LFNG: variants seen among roughly 807,000 people sequenced by gnomAD.
LFNG encodes beta-1,3-N-acetylglucosaminyltransferase lunatic fringe.
Under a neutral mutation model 32.7 loss-of-function variants are expected in LFNG, and 15 were observed. The observed-to-expected ratio is 0.46, with a 90% CI of 0.31 to 0.71. The LOEUF (loss-of-function observed/expected upper bound fraction) is 0.71. Ranked by LOEUF, LFNG falls within the 30% of genes least tolerant of loss-of-function variation. The pLI, the probability that LFNG is intolerant of heterozygous loss-of-function variation, is 0.06. For synonymous variants in LFNG, 274 were observed against 246.8 expected (o/e 1.11, Z -1.03); for missense variants, 520 against 545.7 (o/e 0.95, Z 0.47).
In LFNG at chr7:2,528,259, C is replaced by A. The variant is rs769360562; in HGVS notation, c.*1047C>A. The stretch of plus-strand genomic sequence containing the variant: ...TCCTCCTGTGTAGCTGCCACCTCCC[C>A]GCTGGGCCCAGCATGGCTCACCTGT... On this transcript the variant is annotated 3_prime_UTR_variant, in exon 8 of 8. Transcript: ENST00000222725. 1.7e-5 allele frequency: 17 copies of A among 986,042 alleles called. No individual in the cohort carries two copies. Among genetic ancestry groups the A allele is most frequent in the Non-Finnish European group, 2.0e-5 (17 of 830,036 alleles). 61.1% of individuals were successfully genotyped at this position (986,042 alleles called of 1,614,324 possible). A position where few individuals can be genotyped will look rare whatever the true frequency, so the allele number is the denominator to read the frequency against.
chr7:2,520,102 C>G lies in LFNG; in HGVS notation c.241C>G (p.Leu81Val). 7.4e-7 allele frequency: 1 copy of G among 1,344,108 alleles called. No individual in the cohort carries two copies. The highest frequency in any genetic ancestry group is 9.6e-7 in the Non-Finnish European group (1 of 1,037,692). 83.3% of individuals were successfully genotyped at this position (1,344,108 alleles called of 1,614,324 possible). A position where few individuals can be genotyped will look rare whatever the true frequency, so the allele number is the denominator to read the frequency against. The change falls in exon 1 of 8, where the codon CTC becomes GTC. Residue 81 changes from leucine to valine, a missense_variant. Physicochemically the swap from Leu to Val is conservative, Grantham distance 32. This residue lies in a region of LFNG where 360 missense variants were observed against 354.7 expected (regional missense o/e 1.01). Coordinates refer to ENST00000222725, the MANE Select transcript of LFNG (RefSeq NM_001040167.2). The surrounding 1 kb of genome is among the most constrained non-coding windows in gnomAD (Gnocchi z 5.0). ...VHSLSEYFSL[L>V]TRARRDAGPP... ...CAGTCTGTCCGAGTACTTCAGCCTG[C>G]TCACCCGCGCGCGCAGAGATGCGGG...
Position 2,527,731 on chromosome 7 carries a change from T to G in LFNG, c.*519T>G. On this transcript the variant is annotated 3_prime_UTR_variant, in exon 8 of 8. Transcript: ENST00000222725. This position sits in a 1 kb window ranked among gnomAD's most constrained non-coding sequence, Gnocchi z 4.4. ...CTGGGGGTGCGTGACCCAATCCCCT[T>G]CCTCCTGGCCTGGACGCTGTGGCTT... The G allele has an allele frequency of 9.6e-7, 1 of 1,040,374 alleles. No homozygotes were observed. Among genetic ancestry groups the G allele is most frequent in the Non-Finnish European group, 1.2e-6 (1 of 861,252 alleles). 64.4% of individuals were successfully genotyped at this position (1,040,374 alleles called of 1,614,324 possible). A position where few individuals can be genotyped will look rare whatever the true frequency, so the allele number is the denominator to read the frequency against.
rs545875243 is a variant in LFNG at position 2,527,341 on chromosome 7, T to TGCGTGTGC, written c.*130_*131insCGTGTGCG. 8.2e-6 allele frequency: 12 copies of TGCGTGTGC among 1,457,110 alleles called. No individual in the cohort carries two copies. Among genetic ancestry groups the TGCGTGTGC allele is most frequent in the East Asian group, 2.6e-5 (1 of 38,960 alleles). 90.3% of individuals were successfully genotyped at this position (1,457,110 alleles called of 1,614,324 possible). ...GTGCCTGTGCGTGTGCGTGTGCGTG[T>TGCGTGTGC]GTGTGTGTGTGTACTGCATGCCCAC... On this transcript the variant is annotated 3_prime_UTR_variant, in exon 8 of 8. Transcript: ENST00000222725. The surrounding 1 kb of genome is among the most constrained non-coding windows in gnomAD (Gnocchi z 4.4).
chr7:2,518,385 C>T (rs1487892346), upstream of LFNG, among the ~76,000 whole-genome samples: 1 of 152,210 alleles, frequency 6.6e-6, no homozygotes. Context: ...CCCCATCCCC[C>T]ACACCACCCA....
At position 2,526,803 on chromosome 7, in the gene LFNG, C is replaced by G. The variant is rs777288540; in HGVS notation, c.988-33C>G. On this transcript the variant is annotated intron_variant, in intron 6 of 7. Coordinates refer to ENST00000222725, the MANE Select transcript of LFNG (RefSeq NM_001040167.2). This position sits in a 1 kb window ranked among gnomAD's most constrained non-coding sequence, Gnocchi z 6.9. Reference sequence around the variant, plus strand: ...GGGGCGGGGCCCAGGGATGTCGGGCCCCTCCCGGCATCACTCCGCCCGCTC... The same window carrying G: ...GGGGCGGGGCCCAGGGATGTCGGGCGCCTCCCGGCATCACTCCGCCCGCTC... 1 of 1,600,912 alleles carries G rather than the reference C, an allele frequency of 6.2e-7. No homozygotes were observed. Among genetic ancestry groups the G allele is most frequent in the South Asian group, 1.1e-5 (1 of 90,632 alleles).
chr7:2,525,869 C>T, intron 5 of LFNG, 99 bp downstream of exon 5: 1 of 1,049,104 alleles, frequency 9.5e-7, no homozygotes, highest in Non-Finnish European at 1.4e-6. Flanking sequence ...TGTCCCCAGC[C>T]TCCTGTGTGG....
chr7:2,527,168 C>G lies in LFNG; in HGVS notation c.1096C>G (p.Leu366Val). 6.2e-7 allele frequency: 1 copy of G among 1,613,028 alleles called. No individual in the cohort carries two copies. Reference protein sequence around the residue: ...PSRFRSIHCHLYPDTPWCPRT... With the variant: ...PSRFRSIHCHVYPDTPWCPRT... Reference sequence around the variant, plus strand: ...CAGGTTCCGCTCCATCCACTGCCACCTGTACCCGGACACACCCTGGTGTCC... The same window carrying G: ...CAGGTTCCGCTCCATCCACTGCCACGTGTACCCGGACACACCCTGGTGTCC... Residue 366 changes from leucine to valine, a missense_variant, in exon 8 of 8, where the codon CTG becomes GTG. Transcript: ENST00000222725. This position sits in a 1 kb window ranked among gnomAD's most constrained non-coding sequence, Gnocchi z 4.4.
intron 1 of LFNG, among the ~76,000 whole-genome samples, chr7:2,522,980 C>T (rs74791081): frequency 5.9e-5 from 9 of 152,282 alleles, no homozygotes; most frequent in South Asian, 2.1e-4. Flanking sequence ...ACAGTTCGAC[C>T]GGCACCCCCG....
rs1183046110 is a variant in LFNG at position 2,520,321 on chromosome 7, G to A, written c.432+28G>A. The A allele has an allele frequency of 1.9e-6, 3 of 1,594,088 alleles. No individual in the cohort carries two copies. The highest frequency in any genetic ancestry group is 2.3e-5 in the East Asian group (1 of 43,298). Reference sequence around the variant, plus strand: ...GAGCCCCCCGCGGCCTGGACTGGCGGGCGAGCGGGGCGGGGACCCACCATC... The same window carrying A: ...GAGCCCCCCGCGGCCTGGACTGGCGAGCGAGCGGGGCGGGGACCCACCATC... On this transcript the variant is annotated intron_variant, in intron 1 of 7. Coordinates refer to ENST00000222725, the MANE Select transcript of LFNG (RefSeq NM_001040167.2). This position sits in a 1 kb window ranked among gnomAD's most constrained non-coding sequence, Gnocchi z 5.0.
At chr7:2,516,498 TG>T (rs1486339424), upstream of LFNG, among the ~76,000 whole-genome samples, 7 of 152,210 alleles carry the variant, frequency 4.6e-5, no homozygotes, top group African/African-American at 1.7e-4. Context: ...TTTGGGGACC[TG>T]GTGGCACTGA....
Position 2,526,204 on chromosome 7 carries a change from C to T in LFNG, c.822-40C>T. On this transcript the variant is annotated intron_variant, in intron 5 of 7. Coordinates refer to ENST00000222725, the MANE Select transcript of LFNG (RefSeq NM_001040167.2). This position sits in a 1 kb window ranked among gnomAD's most constrained non-coding sequence, Gnocchi z 6.9. The stretch of plus-strand genomic sequence containing the variant: ...CCTCCCCAGCTCCCAGCAGATGGCT[C>T]CCGCCTCTGCTCACTGGTCTGGGCC... 1 of 1,608,456 alleles carries T rather than the reference C, an allele frequency of 6.2e-7. No individual in the cohort carries two copies. Among genetic ancestry groups the T allele is most frequent in the Non-Finnish European group, 8.5e-7 (1 of 1,177,810 alleles).
At position 2,526,221 on chromosome 7, in the gene LFNG, G is replaced by T; in HGVS notation, c.822-23G>T. 1.9e-6 allele frequency: 3 copies of T among 1,612,120 alleles called. No individual in the cohort carries two copies. The highest frequency in any genetic ancestry group is 2.5e-6 in the Non-Finnish European group (3 of 1,179,908). The stretch of plus-strand genomic sequence containing the variant: ...AGATGGCTCCCGCCTCTGCTCACTG[G>T]TCTGGGCCCTTCCCTCCCGCAGCGG... On this transcript the variant is annotated intron_variant, in intron 5 of 7. Transcript: ENST00000222725. This position sits in a 1 kb window ranked among gnomAD's most constrained non-coding sequence, Gnocchi z 6.9.
intron 1 of LFNG, chr7:2,523,735 T>G (rs1022119448): frequency 1.3e-5 from 2 of 152,264 alleles, no homozygotes; most frequent in Non-Finnish European, 2.9e-5. Flanking sequence ...TGGGCAAGCC[T>G]GGGTTTCCTT....
chr7:2,513,224 G>A (rs771738208), upstream of LFNG: 2 of 1,611,110 alleles, frequency 1.2e-6, no homozygotes, highest in South Asian at 1.1e-5. Context: ...GAAATGGATG[G>A]AAGGATGGAC....
Position 2,526,301 on chromosome 7 carries a change from C to A in LFNG, c.879C>A (p.Ile293=), listed in dbSNP as rs144054000. 6.2e-7 allele frequency: 1 copy of A among 1,612,962 alleles called. No individual in the cohort carries two copies. Among genetic ancestry groups the A allele is most frequent in the East Asian group, 2.2e-5 (1 of 44,872 alleles). ...ERIRLPDDCT[I]GYIVEALLGV... Reference sequence around the variant, plus strand: ...TCCGGCTGCCTGATGACTGCACCATCGGCTACATCGTGGAGGCCCTGCTGG... The same window carrying A: ...TCCGGCTGCCTGATGACTGCACCATAGGCTACATCGTGGAGGCCCTGCTGG... Residue 293 remains isoleucine, a synonymous_variant, in exon 6 of 8, where the codon ATC becomes ATA. Coordinates refer to ENST00000222725, the MANE Select transcript of LFNG (RefSeq NM_001040167.2). The surrounding 1 kb of genome is among the most constrained non-coding windows in gnomAD (Gnocchi z 6.9).
Position 2,528,404 on chromosome 7 carries a change from GT to G in LFNG, c.*1193del. 2.0e-6 allele frequency: 2 copies of G among 987,694 alleles called. No homozygotes were observed. The highest frequency in any genetic ancestry group is 9.2e-5 in the South Asian group (2 of 21,684). The allele number at this position is 987,694 out of a possible 1,614,324, so 61.2% of individuals were successfully genotyped here. A position where few individuals can be genotyped will look rare whatever the true frequency, so the allele number is the denominator to read the frequency against. On this transcript the variant is annotated 3_prime_UTR_variant, in exon 8 of 8. Coordinates refer to ENST00000222725, the MANE Select transcript of LFNG (RefSeq NM_001040167.2). Reference sequence around the variant, plus strand: ...GTTGCTATGGTGACGTCCTTTTGCTGTGAATAAAGGTGCTCTTTGCAGCAAT... The same window carrying G: ...GTTGCTATGGTGACGTCCTTTTGCTGGAATAAAGGTGCTCTTTGCAGCAAT...
upstream of LFNG, chr7:2,518,089 C>T (rs1779673668): frequency 3.1e-6 from 1 of 324,478 alleles, no homozygotes; most frequent in African/African-American, 2.2e-5. Context: ...CACGTGGGGT[C>T]ATGGACACCC....
chr7:2,513,436 AGATGGCCCATGGTAGCGATGGGGAGCCTG>A, upstream of LFNG: 1 of 1,263,612 alleles, frequency 7.9e-7, no homozygotes, highest in Non-Finnish European at 1.1e-6. Flanking sequence ...CAAGGGGGAA[AGATGGCCCATGGTAGCGATGGGGAGCCTG>A]GGATCAGGGA....
In LFNG at chr7:2,524,626, C is replaced by T. The variant is rs578179341; in HGVS notation, c.433-69C>T. The T allele has an allele frequency of 1.0e-4, 147 of 1,457,280 alleles. 2 individuals carry two copies. In the South Asian group the frequency reaches 1.4e-3, roughly 14 times the overall value. 90.3% of individuals were successfully genotyped at this position (1,457,280 alleles called of 1,614,324 possible). A position where few individuals can be genotyped will look rare whatever the true frequency, so the allele number is the denominator to read the frequency against. On this transcript the variant is annotated intron_variant, in intron 1 of 7. Transcript: ENST00000222725. The stretch of plus-strand genomic sequence containing the variant: ...TGCAGCAACTCCAGGGCGCCCCGTC[C>T]GGCCCCCACAGATGGCCCTGGGGTG...
Sources: allele counts gnomAD v4.1 joint callset (sites outside exome capture counted in the v4.1 genomes callset), GRCh38; gene constraint gnomAD v4.1.1; regional missense constraint gnomAD v4.1.1; non-coding constraint Gnocchi (gnomAD v3.1); transcripts MANE v1.5; gene names NCBI Gene and HGNC (gene_info 2026-07-23, HGNC 2026-07-21).